Variants in TRDN observed in about 807,000 individuals in gnomAD.
TRDN encodes the protein triadin.
Under a neutral mutation model 149.7 loss-of-function variants are expected in TRDN, and 161 were observed. The ratio of observed to expected loss-of-function variants is 1.08; its 90% CI spans 0.95 to 1.23. The LOEUF (loss-of-function observed/expected upper bound fraction) is 1.23. TRDN is among the 50% of genes most tolerant of loss of function. TRDN has a pLI of 0.00. For synonymous variants in TRDN, 294 were observed against 250.5 expected, an observed-to-expected ratio of 1.17 and a Z score of -1.64; for missense variants, 896 against 823.5, an observed-to-expected ratio of 1.09 and a Z score of -1.08.
chr6:123,494,162 T>G (rs1286427823), intron 9 of TRDN, among the ~76,000 whole-genome samples: 1 of 152,208 alleles, frequency 6.6e-6, no homozygotes, highest in Non-Finnish European at 1.5e-5. Context: ...CAAAGAAATC[T>G]AATCCTATAG....
At chr6:123,263,710 T>C (rs1483775622) in intron 33 of TRDN, among the ~76,000 whole-genome samples, 1 of 151,956 alleles carries the variant, frequency 6.6e-6, no homozygotes, top group African/African-American at 2.4e-5. Flanking sequence ...GAGAGAAAAG[T>C]CAATATCTGG....
At chr6:123,624,096 C>T (rs1014308490) in intron 1 of TRDN, among the ~76,000 whole-genome samples, 1 of 152,064 alleles carries the variant, frequency 6.6e-6, no homozygotes, top group Non-Finnish European at 1.5e-5. Flanking sequence ...AGAATTAAAA[C>T]AGTACCTGGC....
intron 23 of TRDN, 108 bp downstream of exon 23, chr6:123,331,771 C>T (rs1213024059): frequency 1.2e-5 from 8 of 640,720 alleles, no homozygotes; most frequent in Admixed American, 3.7e-5. Context: ...CATATGAAGG[C>T]TATGGTTTTG....
chr6:123,447,695 A>G (rs971809513), intron 10 of TRDN, among the ~76,000 whole-genome samples: 3 of 151,976 alleles, frequency 2.0e-5, no homozygotes, highest in Non-Finnish European at 4.4e-5. Flanking sequence ...AACTTCTTCA[A>G]GATACCATAC....
In TRDN at chr6:123,259,615, C is replaced by T; in HGVS notation, c.1870+9G>A. On this transcript the variant is annotated intron_variant, in intron 35 of 40. Coordinates refer to ENST00000334268, the MANE Select transcript of TRDN (RefSeq NM_006073.4). Reference sequence around the variant, plus strand: ...ATTTGATGTATATGTCTTAAAATGTCATTTTTACCTTTACTTTCTTTTTCA... The same window carrying T: ...ATTTGATGTATATGTCTTAAAATGTTATTTTTACCTTTACTTTCTTTTTCA... The T allele has an allele frequency of 6.8e-7, 1 of 1,470,440 alleles. No individual in the cohort carries two copies. The highest frequency in any genetic ancestry group is 9.2e-7 in the Non-Finnish European group (1 of 1,085,910). 91.1% of individuals were successfully genotyped at this position (1,470,440 alleles called of 1,614,324 possible).
At chr6:123,460,501 C>T (rs113610289) in intron 10 of TRDN, among the ~76,000 whole-genome samples, 13 of 151,952 alleles carry the variant, frequency 8.6e-5, no homozygotes, top group African/African-American at 2.7e-4. Context: ...AAGGGCAATC[C>T]TATTAAAAAT....
rs930768075 is a variant in TRDN, at chr6:123,366,135, C to A, written c.1321G>T (p.Ala441Ser). 1.2e-6 allele frequency: 2 copies of A among 1,609,924 alleles called. No homozygotes were observed. Among genetic ancestry groups the A allele is most frequent in the Non-Finnish European group, 1.7e-6 (2 of 1,177,240 alleles). ...EEIGAVSIKK[A>S]VPGKKEEKTT... Reference sequence around the variant, plus strand: ...ATCTTTATCTTTAAGCTGCATTTACCTTTTTTAATTGAAACCGCACCAATC... The same window carrying A: ...ATCTTTATCTTTAAGCTGCATTTACATTTTTTAATTGAAACCGCACCAATC... Residue 441 changes from alanine (A) to serine (S), a missense_variant and splice_region_variant, in exon 20 of 41, where the codon GCT (alanine) becomes TCT (serine). Transcript: ENST00000334268.
intron 1 of TRDN, among the ~76,000 whole-genome samples, chr6:123,608,444 T>G (rs1214724911): frequency 6.6e-6 from 1 of 152,098 alleles, no homozygotes; most frequent in Non-Finnish European, 1.5e-5. Flanking sequence ...AATATCTTAG[T>G]GAAAAAATGA....
At chr6:123,240,512 GA>G (rs1193725582) in intron 38 of TRDN, among the ~76,000 whole-genome samples, 1 of 151,498 alleles carries the variant, frequency 6.6e-6, no homozygotes, top group Admixed American at 6.6e-5. Flanking sequence ...TATAGCAATG[GA>G]TTTTTTTTCA....
At chr6:123,632,503 C>T (rs1786058556) in intron 1 of TRDN, among the ~76,000 whole-genome samples, 1 of 152,060 alleles carries the variant, frequency 6.6e-6, no homozygotes, top group South Asian at 2.1e-4. Flanking sequence ...AAACCATGCA[C>T]AAATCTTTTC....
intron 24 of TRDN, among the ~76,000 whole-genome samples, chr6:123,296,928 G>T (rs574226845): frequency 6.6e-5 from 10 of 152,114 alleles, no homozygotes; most frequent in African/African-American, 1.9e-4. Flanking sequence ...AAAAAATTTT[G>T]CTTCATGTCA....
intron 19 of TRDN, among the ~76,000 whole-genome samples, chr6:123,374,743 C>G (rs1471774094): frequency 6.6e-6 from 1 of 151,728 alleles, no homozygotes; most frequent in African/African-American, 2.4e-5. Context: ...CCGCTGCACT[C>G]CAGCCTGGTG....
chr6:123,241,351 CG>C (rs1453668381), intron 38 of TRDN, among the ~76,000 whole-genome samples: 4 of 150,940 alleles, frequency 2.7e-5, no homozygotes, highest in African/African-American at 9.7e-5. Context: ...TCTTTTCAGA[CG>C]TAAGATACAC....
chr6:123,239,127 C>G (rs76016526), intron 38 of TRDN, among the ~76,000 whole-genome samples: 7,512 of 152,214 alleles, frequency 0.049, 528 homozygotes, highest in African/African-American at 0.17. Flanking sequence ...GCGTGAGCCA[C>G]TATGCCCAGC....
intron 26 of TRDN, among the ~76,000 whole-genome samples, chr6:123,276,871 G>A (rs893424832): frequency 6.6e-6 from 1 of 152,098 alleles, no homozygotes; most frequent in Admixed American, 6.6e-5. Context: ...GAATTCAAAC[G>A]CCTGGGTTAA....
chr6:123,403,887 AAGAT>A (rs1315212006), intron 12 of TRDN, among the ~76,000 whole-genome samples: 3 of 152,190 alleles, frequency 2.0e-5, no homozygotes, highest in African/African-American at 4.8e-5. Flanking sequence ...AGTGAGATAA[AAGAT>A]AGCAGTTGAA....
intron 12 of TRDN, among the ~76,000 whole-genome samples, chr6:123,427,150 TATG>T (rs1377027675): frequency 6.6e-6 from 1 of 152,002 alleles, no homozygotes; most frequent in Non-Finnish European, 1.5e-5. Context: ...TAAAACATTC[TATG>T]ATAAGATTCA....
intron 9 of TRDN, among the ~76,000 whole-genome samples, chr6:123,480,085 A>G (rs2114766563): frequency 6.6e-6 from 1 of 152,178 alleles, no homozygotes; most frequent in East Asian, 1.9e-4. Context: ...TGAGGTGTTG[A>G]ATGGTAGAAG....
At chr6:123,524,273 A>G (rs545734762) in intron 5 of TRDN, among the ~76,000 whole-genome samples, 1 of 152,286 alleles carries the variant, frequency 6.6e-6, no homozygotes, top group African/African-American at 2.4e-5. Flanking sequence ...TGAATACATT[A>G]GATGAAAGAA....
Sources: gnomAD v4.1 joint callset for allele counts (sites outside exome capture counted in the v4.1 genomes callset) on GRCh38, gnomAD v4.1.1 for gene constraint, MANE v1.5 for transcripts, NCBI Gene and HGNC (gene_info 2026-07-23, HGNC 2026-07-21) for gene names.